PPP1R42: variants seen among roughly 807,000 people sequenced by gnomAD.
PPP1R42 encodes the protein protein phosphatase 1 regulatory subunit 42.
In PPP1R42, 34 loss-of-function variants were observed where a neutral mutation model predicts 31.0. The observed-to-expected ratio is 1.10, with a 90% CI of 0.83 to 1.46. PPP1R42 has a LOEUF of 1.46. PPP1R42 is among the 40% of genes most tolerant of loss of function. The pLI is 0.00. For synonymous variants in PPP1R42, 103 were observed against 109.8 expected (o/e 0.94, Z 0.39); for missense variants, 268 against 303.0 (o/e 0.88, Z 0.86).
At chr8:66,977,059 A>T in intron 7 of PPP1R42, among the ~76,000 whole-genome samples, 1 of 145,726 alleles carries the variant, frequency 6.9e-6, no homozygotes, top group African/African-American at 2.5e-5. Flanking sequence ...TTTTAGACGT[A>T]GTCTTGCTCT....
intron 5 of PPP1R42, 134 bp downstream of exon 5, chr8:67,010,581 G>T: frequency 1.5e-6 from 1 of 662,870 alleles, no homozygotes; most frequent in Non-Finnish European, 2.6e-6. Flanking sequence ...TGAGAAGTAG[G>T]GATTCATTAG....
chr8:66,971,626 C>T (rs986865905), intron 7 of PPP1R42, among the ~76,000 whole-genome samples: 5 of 151,980 alleles, frequency 3.3e-5, no homozygotes, highest in East Asian at 1.9e-4. Context: ...TGGACACATT[C>T]GAGGTGCTTA....
At chr8:67,006,162 C>T (rs552917261) in intron 5 of PPP1R42, among the ~76,000 whole-genome samples, 111 of 152,306 alleles carry the variant, frequency 7.3e-4, no homozygotes, top group Middle Eastern at 3.4e-3. Flanking sequence ...TTGCTAGTGC[C>T]TGGCATGTTC....
At chr8:67,015,121 T>C (rs1288739303) in intron 2 of PPP1R42, among the ~76,000 whole-genome samples, 2 of 151,986 alleles carry the variant, frequency 1.3e-5, no homozygotes, top group Non-Finnish European at 2.9e-5. Context: ...TGGGTTCAAG[T>C]GATTCTCCTG....
intron 1 of PPP1R42, among the ~76,000 whole-genome samples, chr8:67,018,865 T>C (rs1362840495): frequency 1.4e-4 from 17 of 122,324 alleles, no homozygotes; most frequent in African/African-American, 5.4e-4. Flanking sequence ...AGTCTTGCTC[T>C]GTCTCCCAGG....
intron 7 of PPP1R42, chr8:66,968,575 T>A (rs1563411533): frequency 4.5e-5 from 33 of 739,848 alleles, no homozygotes; most frequent in Non-Finnish European, 5.1e-5. Flanking sequence ...AAACTAAAAA[T>A]CTGTTCTTTG....
At chr8:67,001,536 T>C (rs1451253568) in intron 5 of PPP1R42, among the ~76,000 whole-genome samples, 1 of 151,742 alleles carries the variant, frequency 6.6e-6, no homozygotes, top group East Asian at 1.9e-4. Flanking sequence ...TCCTATCCCC[T>C]ACTTTTTTGT....
intron 7 of PPP1R42, among the ~76,000 whole-genome samples, chr8:66,981,185 A>G (rs1298352507): frequency 6.6e-6 from 1 of 151,894 alleles, no homozygotes; most frequent in Non-Finnish European, 1.5e-5. Flanking sequence ...GATAACTGTT[A>G]CACATTACTC....
chr8:66,968,704 A>G (rs56077559), intron 7 of PPP1R42, among the ~76,000 whole-genome samples: 5,062 of 152,228 alleles, frequency 0.033, 141 homozygotes, highest in Non-Finnish European at 0.051. Flanking sequence ...GAAAATCTGT[A>G]TCAAGAGTTT....
chr8:66,984,312 C>T, intron 6 of PPP1R42: 5 of 1,304,042 alleles, frequency 3.8e-6, no homozygotes, highest in South Asian at 1.2e-5. Flanking sequence ...TGGTTTTCTT[C>T]ACAGCTTCCT....
intron 5 of PPP1R42, among the ~76,000 whole-genome samples, chr8:66,999,677 G>A (rs1815428612): frequency 6.6e-6 from 1 of 152,194 alleles, no homozygotes; most frequent in South Asian, 2.1e-4. Flanking sequence ...GAAAGCATTT[G>A]TGTAAGATTG....
chr8:67,024,720 A>G (rs373539049), intron 1 of PPP1R42, among the ~76,000 whole-genome samples: 1 of 151,164 alleles, frequency 6.6e-6, no homozygotes, highest in African/African-American at 2.4e-5. Context: ...CTCGTGATCC[A>G]CCCACCTCGG....
intron 6 of PPP1R42, chr8:66,984,193 T>C: frequency 6.4e-7 from 1 of 1,572,988 alleles, no homozygotes; most frequent in Non-Finnish European, 8.7e-7. Context: ...TTCAGCCCCA[T>C]GCTTTCTGAA....
chr8:67,022,704 G>A lies in PPP1R42; in HGVS notation c.-84-4873C>T, dbSNP rs535884225. Among the ~76,000 whole-genome samples the A allele has an allele frequency of 1.1e-4, 17 of 152,194 alleles. No homozygotes were observed. The South Asian group carries it at 3.3e-3, about 30-fold the overall frequency. ...TAGAGTTGATTACTGTGTAGGAAGT[G>A]AGATATTCAATATTTTTTTCCTTAT... On this transcript the variant is annotated intron_variant, in intron 1 of 7. Coordinates refer to ENST00000685739, the MANE Select transcript of PPP1R42 (RefSeq NM_001364910.1).
intron 1 of PPP1R42, 129 bp downstream of exon 1, chr8:67,028,362 G>T: frequency 2.8e-6 from 1 of 361,190 alleles, no homozygotes; most frequent in Non-Finnish European, 3.9e-6. Context: ...AATTCTGTAT[G>T]TCTAAAGATA....
intron 5 of PPP1R42, among the ~76,000 whole-genome samples, chr8:66,998,544 A>AT (rs546133207): frequency 6.6e-6 from 1 of 152,134 alleles, no homozygotes; most frequent in African/African-American, 2.4e-5. Context: ...CATTTGTTTC[A>AT]TTTTTTGGCC....
chr8:67,004,414 G>A (rs1398983169), intron 5 of PPP1R42, among the ~76,000 whole-genome samples: 2 of 152,044 alleles, frequency 1.3e-5, no homozygotes, highest in Non-Finnish European at 2.9e-5. Context: ...TCTGATTCTG[G>A]TACTCTTATT....
chr8:66,996,994 A>G (rs141309987), intron 5 of PPP1R42, among the ~76,000 whole-genome samples: 2 of 152,294 alleles, frequency 1.3e-5, no homozygotes, highest in African/African-American at 4.8e-5. Context: ...TCTACCAAAA[A>G]TATAAAAAAT....
chr8:66,975,071 T>G (rs965752894), intron 7 of PPP1R42, among the ~76,000 whole-genome samples: 1 of 152,218 alleles, frequency 6.6e-6, no homozygotes, highest in African/African-American at 2.4e-5. Flanking sequence ...TGTGGATCAC[T>G]TTTGGTCTTA....
Sources: gnomAD v4.1 joint callset for allele counts (sites outside exome capture counted in the v4.1 genomes callset) on GRCh38, gnomAD v4.1.1 for gene constraint, MANE v1.5 for transcripts, NCBI Gene and HGNC (gene_info 2026-07-23, HGNC 2026-07-21) for gene names.